SLC24A2: variants seen among roughly 807,000 people sequenced by gnomAD.
The protein encoded by SLC24A2 is sodium/potassium/calcium exchanger 2.
In SLC24A2, 36 loss-of-function variants were observed where a neutral mutation model predicts 62.0. The ratio of observed to expected loss-of-function variants is 0.58; its 90% CI spans 0.44 to 0.77. The LOEUF (loss-of-function observed/expected upper bound fraction) is 0.77, where lower values mean the gene tolerates loss of function less well. SLC24A2 is among the 30% of genes least tolerant of loss of function. The probability of loss-of-function intolerance (pLI) is 0.00; values close to 1 mark genes in which losing one functional copy is unlikely to be tolerated. For missense variants in SLC24A2, 846 were observed against 817.9 expected (o/e 1.03, Z -0.42); for synonymous variants, 358 against 294.0 (o/e 1.22, Z -2.23).
chr9:19,943,090 T>C, the SLC24A2 span, among the ~76,000 whole-genome samples: 192 of 152,304 alleles, frequency 1.3e-3, 2 homozygotes, highest in East Asian at 0.023. Flanking sequence ...ATTAACAATT[T>C]TGGTATATTT....
the SLC24A2 span, among the ~76,000 whole-genome samples, chr9:20,038,405 T>C: frequency 6.6e-6 from 1 of 152,178 alleles, no homozygotes; most frequent in African/African-American, 2.4e-5. Flanking sequence ...AGTAAGGACC[T>C]TGATTACCTC....
At chr9:19,820,024 TAC>T in the SLC24A2 span, among the ~76,000 whole-genome samples, 165 of 60,302 alleles carry the variant, frequency 2.7e-3, 4 homozygotes, top group African/African-American at 6.2e-3. Context: ...TATATATATA[TAC>T]ACATATATAT....
the SLC24A2 span, among the ~76,000 whole-genome samples, chr9:19,803,258 T>A: frequency 1.3e-5 from 2 of 152,236 alleles, no homozygotes; most frequent in African/African-American, 4.8e-5. Flanking sequence ...AGTAAAATTT[T>A]AATTATTATT....
chr9:19,685,508 C>G (rs569038015), intron 2 of SLC24A2, among the ~76,000 whole-genome samples: 2 of 152,086 alleles, frequency 1.3e-5, no homozygotes, highest in Non-Finnish European at 2.9e-5. Context: ...TAACTTCAAA[C>G]TATACTACAA....
the SLC24A2 span, among the ~76,000 whole-genome samples, chr9:19,933,046 G>T: frequency 2.0e-5 from 3 of 152,240 alleles, no homozygotes; most frequent in Admixed American, 6.5e-5. Flanking sequence ...GGGGCAGGAG[G>T]TGGGGGCTGC....
the SLC24A2 span, among the ~76,000 whole-genome samples, chr9:19,993,852 A>T: frequency 1.3e-5 from 2 of 152,212 alleles, no homozygotes; most frequent in Non-Finnish European, 2.9e-5. Flanking sequence ...TAGTGATTGA[A>T]AACACAATCA....
In SLC24A2 at chr9:19,512,421, T is replaced by C. The variant is rs1832752202; in HGVS notation, c.*3732A>G. On this transcript the variant is annotated 3_prime_UTR_variant, in exon 11 of 11. Transcript: ENST00000341998. ...CATTCTGCTGCATCTGCCGAGGGTATAAACAACCCTATCCCTTAGTCCCTG... is the reference window on the plus strand; with the variant it reads ...CATTCTGCTGCATCTGCCGAGGGTACAAACAACCCTATCCCTTAGTCCCTG... 6.6e-6 allele frequency: 1 copy of C among 152,258 alleles called. No homozygotes were observed. Among genetic ancestry groups the C allele is most frequent in the Non-Finnish European group, 1.5e-5 (1 of 68,074 alleles). 9.4% of individuals were successfully genotyped at this position (152,258 alleles called of 1,614,324 possible).
At chr9:19,762,280 T>A (rs909960902) in intron 2 of SLC24A2, among the ~76,000 whole-genome samples, 2 of 152,224 alleles carry the variant, frequency 1.3e-5, no homozygotes, top group Non-Finnish European at 2.9e-5. Flanking sequence ...CCGATGATAG[T>A]TTCTTTTGCT....
At chr9:19,877,881 G>A in the SLC24A2 span, among the ~76,000 whole-genome samples, 5 of 152,090 alleles carry the variant, frequency 3.3e-5, no homozygotes, top group Admixed American at 2.6e-4. Context: ...TTCAACCCTG[G>A]TTCCATCTTA....
intron 8 of SLC24A2, among the ~76,000 whole-genome samples, chr9:19,545,764 G>C (rs1280366903): frequency 6.6e-6 from 1 of 151,700 alleles, no homozygotes; most frequent in East Asian, 1.9e-4. Flanking sequence ...TCAGCCTCCT[G>C]AGTAGCTGGG....
chr9:20,011,248 T>C, the SLC24A2 span, among the ~76,000 whole-genome samples: 1 of 152,126 alleles, frequency 6.6e-6, no homozygotes, highest in Non-Finnish European at 1.5e-5. Context: ...TGTTCCCATT[T>C]CTCCACATCC....
chr9:19,727,035 C>T (rs1407062667), intron 2 of SLC24A2, among the ~76,000 whole-genome samples: 1 of 152,128 alleles, frequency 6.6e-6, no homozygotes, highest in Non-Finnish European at 1.5e-5. Flanking sequence ...CCTTCAAGCA[C>T]CTACAACATT....
At chr9:20,237,914 A>T in the SLC24A2 span, among the ~76,000 whole-genome samples, 1 of 152,152 alleles carries the variant, frequency 6.6e-6, no homozygotes, top group Non-Finnish European at 1.5e-5. Flanking sequence ...AGAGTCAGGT[A>T]GTTCTGGAAG....
chr9:19,617,037 G>T (rs1400096131), intron 4 of SLC24A2, among the ~76,000 whole-genome samples: 1 of 152,208 alleles, frequency 6.6e-6, no homozygotes, highest in Non-Finnish European at 1.5e-5. Context: ...GCAAGAGGCA[G>T]ATCATGTAGA....
the SLC24A2 span, among the ~76,000 whole-genome samples, chr9:20,087,118 C>T: frequency 2.5e-3 from 381 of 152,322 alleles, 1 homozygote; most frequent in African/African-American, 8.8e-3. Flanking sequence ...CCTTTCTCCC[C>T]GCTCTTCCCC....
the SLC24A2 span, among the ~76,000 whole-genome samples, chr9:20,174,791 G>T: frequency 7.2e-5 from 11 of 151,958 alleles, no homozygotes; most frequent in Non-Finnish European, 1.0e-4. Context: ...AAACAGTGTG[G>T]CAATTCCTTA....
chr9:19,551,783 T>G (rs1255792095), intron 7 of SLC24A2, among the ~76,000 whole-genome samples: 1 of 152,086 alleles, frequency 6.6e-6, no homozygotes, highest in Non-Finnish European at 1.5e-5. Context: ...CTCACAGCAA[T>G]GCTATGTCTT....
chr9:19,561,979 C>CT (rs1173256571), intron 7 of SLC24A2, among the ~76,000 whole-genome samples: 5 of 152,180 alleles, frequency 3.3e-5, no homozygotes, highest in Non-Finnish European at 7.3e-5. Flanking sequence ...ATGAAGCTGT[C>CT]TGGACCTAAC....
the SLC24A2 span, among the ~76,000 whole-genome samples, chr9:19,882,861 A>G: frequency 6.6e-6 from 1 of 152,162 alleles, no homozygotes; most frequent in Non-Finnish European, 1.5e-5. Context: ...TGCTGGGTGA[A>G]AAGGCTACTC....
Sources: allele counts gnomAD v4.1 joint callset (sites outside exome capture counted in the v4.1 genomes callset), GRCh38; gene constraint gnomAD v4.1.1; transcripts MANE v1.5; gene names NCBI Gene and HGNC (gene_info 2026-07-23, HGNC 2026-07-21).